PELO: variants seen among roughly 807,000 people sequenced by gnomAD.
PELO encodes pelota mRNA surveillance and ribosome rescue factor.
PELO carries 19 observed loss-of-function variants against 25.9 expected under a neutral mutation model. The observed-to-expected ratio is 0.73, with a 90% confidence interval of 0.51 to 1.08. The LOEUF (loss-of-function observed/expected upper bound fraction) is 1.08, where lower values mean the gene tolerates loss of function less well. Among genes scored for constraint, PELO ranks in the 50% least tolerant of loss-of-function variants. The probability of loss-of-function intolerance (pLI) is 0.00; values close to 1 mark genes in which losing one functional copy is unlikely to be tolerated. For synonymous variants in PELO, 196 were observed against 192.2 expected, an observed-to-expected ratio of 1.02 and a Z score of -0.16; for missense variants, 498 against 491.4, an observed-to-expected ratio of 1.01 and a Z score of -0.13.
chr5:52,788,439 C>T, intron 1 of PELO, 25 bp downstream of exon 1: 1 of 1,491,138 alleles, frequency 6.7e-7, no homozygotes, highest in South Asian at 1.3e-5. Context: ...TTTCTCTGAG[C>T]ATCTCCTGCT....
intron 1 of PELO, among the ~76,000 whole-genome samples, chr5:52,792,619 A>G (rs930303849): frequency 6.6e-6 from 1 of 152,144 alleles, no homozygotes; most frequent in Non-Finnish European, 1.5e-5. Context: ...TTCCAACCCA[A>G]TAAACTTCCC....
chr5:52,800,925 G>A lies in PELO; in HGVS notation c.531G>A (p.Gln177=). 6.2e-7 allele frequency: 1 copy of A among 1,614,182 alleles called. No individual in the cohort carries two copies. The highest frequency in any genetic ancestry group is 8.5e-7 in the Non-Finnish European group (1 of 1,180,002). The change falls in exon 2 of 3, where the codon CAG becomes CAA. Residue 177 remains glutamine, a synonymous_variant. Coordinates refer to ENST00000274311, the MANE Select transcript of PELO (RefSeq NM_015946.5). The stretch of plus-strand genomic sequence containing the variant: ...GGAAAAGGAAAGGCAATTGCTCTCA[G>A]CATGACCGGGCCTTGGAGCGGTTCT... The part of the protein sequence containing the change: ...IPRKRKGNCS[Q]HDRALERFYE...
Position 52,800,975 on chromosome 5 carries a change from A to C in PELO, c.581A>C (p.Gln194Pro). 1 of 1,614,218 alleles carries C rather than the reference A, an allele frequency of 6.2e-7. No homozygotes were observed. The highest frequency in any genetic ancestry group is 8.5e-7 in the Non-Finnish European group (1 of 1,180,040). ...TATGAACAGGTGGTCCAGGCTATCCAGCGCCACATACACTTTGATGTTGTA... is the reference window on the plus strand; with the variant it reads ...TATGAACAGGTGGTCCAGGCTATCCCGCGCCACATACACTTTGATGTTGTA... ...RFYEQVVQAI[Q>P]RHIHFDVVKC... The change falls in exon 2 of 3, where the codon CAG (glutamine) becomes CCG (proline). Residue 194 changes from glutamine to proline, a missense_variant. Physicochemically the swap from Gln to Pro is moderately conservative, Grantham distance 76. Transcript: ENST00000274311.
rs775449436 is a variant in PELO at position 52,801,359 on chromosome 5, T to C, written c.727-50T>C. 9 of 1,462,418 alleles carry C rather than the reference T, an allele frequency of 6.2e-6. No homozygotes were observed. In the South Asian group the frequency reaches 1.1e-4, roughly 18 times the overall value. 90.6% of individuals were successfully genotyped at this position (1,462,418 alleles called of 1,614,324 possible). A position where few individuals can be genotyped will look rare whatever the true frequency, so the allele number is the denominator to read the frequency against. ...CTTTAAGCCTTTGTGAGCTGATTAA[T>C]GGGTGTTCTAGGAGATTATTTTGCC... is the stretch of plus-strand genomic sequence containing the variant. On this transcript the variant is annotated intron_variant, in intron 2 of 2. Transcript: ENST00000274311.
chr5:52,799,492 C>G (rs1748410195), intron 1 of PELO, among the ~76,000 whole-genome samples: 1 of 152,226 alleles, frequency 6.6e-6, no homozygotes, highest in Admixed American at 6.5e-5. Context: ...GGTCAAGCAA[C>G]TGAGAGGTCC....
intron 1 of PELO, among the ~76,000 whole-genome samples, chr5:52,792,407 T>C (rs570368898): frequency 6.6e-6 from 1 of 152,318 alleles, no homozygotes; most frequent in South Asian, 2.1e-4. Context: ...CAGCAATGAA[T>C]TCACGGGATT....
rs1027146506 is a variant in PELO at position 52,800,049 on chromosome 5, G to A, written c.-346G>A. 2 of 310,412 alleles carry A rather than the reference G, an allele frequency of 6.4e-6. No individual in the cohort carries two copies. The highest frequency in any genetic ancestry group is 2.2e-5 in the African/African-American group (1 of 45,828). 19.2% of individuals were successfully genotyped at this position (310,412 alleles called of 1,614,324 possible). ...GCGGCCCCGCCTCTCCTTTGGGGACGGGAGACGTGCGTCGGGTCGCGGGAC... is the reference window on the plus strand; with the variant it reads ...GCGGCCCCGCCTCTCCTTTGGGGACAGGAGACGTGCGTCGGGTCGCGGGAC... On this transcript the variant is annotated 5_prime_UTR_variant, in exon 2 of 3. Coordinates refer to ENST00000274311, the MANE Select transcript of PELO (RefSeq NM_015946.5).
At chr5:52,797,071 A>G (rs1338614454) in intron 1 of PELO, among the ~76,000 whole-genome samples, 1 of 152,058 alleles carries the variant, frequency 6.6e-6, no homozygotes, top group Non-Finnish European at 1.5e-5. Context: ...GGGAATGGGA[A>G]TCCAAAATGA....
At position 52,800,663 on chromosome 5, in the gene PELO, A is replaced by G; in HGVS notation, c.269A>G (p.Glu90Gly). Residue 90 changes from glutamate (E) to glycine (G), a missense_variant, in exon 2 of 3, where the codon GAG (glutamate) becomes GGG (glycine). Coordinates refer to ENST00000274311, the MANE Select transcript of PELO (RefSeq NM_015946.5). ...QLRVKGTNIQ[E>G]NEYVKMGAYH... ...CGGGTTAAGGGGACCAACATCCAAG[A>G]GAATGAGTATGTCAAGATGGGGGCT... The G allele has an allele frequency of 6.2e-7, 1 of 1,614,180 alleles. No homozygotes were observed. Among genetic ancestry groups the G allele is most frequent in the Non-Finnish European group, 8.5e-7 (1 of 1,180,032 alleles).
rs563080637 is a variant in PELO, at chr5:52,797,464, G to GA, written c.-510-2410dup. Among the ~76,000 whole-genome samples the GA allele has an allele frequency of 2.9e-3, 409 of 143,442 alleles. 2 individuals carry two copies. Among genetic ancestry groups the GA allele is most frequent in the African/African-American group, 8.0e-3 (313 of 39,298 alleles). The allele number at this position is 143,442 out of a possible 152,430, so 94.1% of individuals were successfully genotyped here. A position where few individuals can be genotyped will look rare whatever the true frequency, so the allele number is the denominator to read the frequency against. On this transcript the variant is annotated intron_variant, in intron 1 of 2. Transcript: ENST00000274311. ...GATGATGACCTAGGCTGGACAGAAGGAAAAAAAAAAACTATGTAGAAGAGA... is the reference window on the plus strand; with the variant it reads ...GATGATGACCTAGGCTGGACAGAAGGAAAAAAAAAAAACTATGTAGAAGAGA...
chr5:52,792,205 A>G (rs926013213), intron 1 of PELO, among the ~76,000 whole-genome samples: 1 of 152,190 alleles, frequency 6.6e-6, no homozygotes, highest in African/African-American at 2.4e-5. Context: ...CCTAGAAGCA[A>G]GGGTCTTCTT....
intron 1 of PELO, among the ~76,000 whole-genome samples, chr5:52,796,030 C>T (rs1748335032): frequency 6.6e-6 from 1 of 151,856 alleles, no homozygotes; most frequent in East Asian, 1.9e-4. Flanking sequence ...AAATTGAAAA[C>T]AAATATGTTA....
intron 1 of PELO, among the ~76,000 whole-genome samples, chr5:52,789,621 T>C (rs1748200324): frequency 6.6e-6 from 1 of 152,232 alleles, no homozygotes; most frequent in Middle Eastern, 3.2e-3. Context: ...ATCCAAACAG[T>C]GGTAACTGCT....
chr5:52,793,599 A>C (rs1208468121), intron 1 of PELO, among the ~76,000 whole-genome samples: 2 of 152,036 alleles, frequency 1.3e-5, no homozygotes, highest in Admixed American at 1.3e-4. Flanking sequence ...ACTTTTTACC[A>C]TGGTACTTTT....
intron 1 of PELO, among the ~76,000 whole-genome samples, chr5:52,792,144 T>A (rs1203866661): frequency 2.0e-5 from 3 of 152,338 alleles, no homozygotes; most frequent in African/African-American, 7.2e-5. Context: ...AAATATAGAA[T>A]TAGCCCTAAT....
At chr5:52,797,477 T>C (rs1475536582) in intron 1 of PELO, among the ~76,000 whole-genome samples, 7 of 151,562 alleles carry the variant, frequency 4.6e-5, no homozygotes, top group Non-Finnish European at 1.5e-5. Flanking sequence ...AAAAAAAAAC[T>C]ATGTAGAAGA....
intron 1 of PELO, among the ~76,000 whole-genome samples, chr5:52,789,447 C>T (rs1009138393): frequency 1.3e-5 from 2 of 152,190 alleles, no homozygotes; most frequent in Non-Finnish European, 2.9e-5. Context: ...CTAGTTTAGA[C>T]CTGCCTTAGA....
chr5:52,798,626 A>G (rs1023335442), intron 1 of PELO, among the ~76,000 whole-genome samples: 1 of 152,112 alleles, frequency 6.6e-6, no homozygotes, highest in Non-Finnish European at 1.5e-5. Flanking sequence ...TAGCAGGGGG[A>G]AAATAGTCAT....
chr5:52,795,599 A>C (rs1748325117), intron 1 of PELO, among the ~76,000 whole-genome samples: 1 of 151,932 alleles, frequency 6.6e-6, no homozygotes, highest in Non-Finnish European at 1.5e-5. Flanking sequence ...TAACATAAAT[A>C]AATGTACCCC....
Sources: gnomAD v4.1 joint callset for allele counts (sites outside exome capture counted in the v4.1 genomes callset) on GRCh38, gnomAD v4.1.1 for gene constraint, MANE v1.5 for transcripts, NCBI Gene and HGNC (gene_info 2026-07-23, HGNC 2026-07-21) for gene names.